TRANK1: variants seen among roughly 807,000 people sequenced by gnomAD.
TRANK1 encodes tetratricopeptide repeat and ankyrin repeat containing 1, also known as TPR and ankyrin repeat-containing protein 1.
A neutral mutation model predicts 266.0 loss-of-function variants in TRANK1; 198 were observed. The ratio of observed to expected loss-of-function variants is 0.74; its 90% CI spans 0.66 to 0.84. The LOEUF is 0.84. Ranked by LOEUF, TRANK1 falls within the 40% of genes least tolerant of loss-of-function variation. The probability of loss-of-function intolerance (pLI) is 0.00; values close to 1 mark genes in which losing one functional copy is unlikely to be tolerated. For missense variants in TRANK1, 3,326 were observed against 3,634.6 expected (o/e 0.92, Z 2.18); for synonymous variants, 1,396 against 1,384.1 (o/e 1.01, Z -0.19).
chr3:36,879,599 AAT>A lies in TRANK1; in HGVS notation c.908-5305_908-5304del, dbSNP rs1422182988. ...ATATATATAAATATACAAATATATAAATATATATAAATATACAAATATATATA... is the reference window on the plus strand; with the variant it reads ...ATATATATAAATATACAAATATATAAATATATAAATATACAAATATATATA... On this transcript the variant is annotated intron_variant, in intron 8 of 23. Transcript: ENST00000645898. Among the ~76,000 whole-genome samples the A allele has an allele frequency of 4.8e-4, 31 of 64,760 alleles. 5 individuals carry two copies. The South Asian group carries it at 9.2e-3, about 19-fold the overall frequency. 42.5% of individuals were successfully genotyped at this position (64,760 alleles called of 152,430 possible). A position where few individuals can be genotyped will look rare whatever the true frequency, so the allele number is the denominator to read the frequency against.
chr3:36,870,505 TCTC>T (rs2079291923), intron 9 of TRANK1, among the ~76,000 whole-genome samples: 1 of 152,082 alleles, frequency 6.6e-6, no homozygotes, highest in Non-Finnish European at 1.5e-5. Flanking sequence ...CTGATTAACT[TCTC>T]CTCTTTACAG....
At chr3:36,880,341 G>A in intron 8 of TRANK1, 2 of 397,800 alleles carry the variant, frequency 5.0e-6, no homozygotes, top group South Asian at 4.1e-5. Context: ...GCTGTCTGTG[G>A]CACCAATTAT....
At chr3:36,911,091 A>G (rs2080045535) in intron 1 of TRANK1, among the ~76,000 whole-genome samples, 1 of 152,178 alleles carries the variant, frequency 6.6e-6, no homozygotes, top group Non-Finnish European at 1.5e-5. Flanking sequence ...ATCGTGTTGT[A>G]AAAGAACATT....
At chr3:36,898,820 C>T (rs531999986) in intron 4 of TRANK1, among the ~76,000 whole-genome samples, 3 of 149,850 alleles carry the variant, frequency 2.0e-5, no homozygotes, top group Non-Finnish European at 3.0e-5. Context: ...CACTGCACTC[C>T]GGCCTGGTGA....
rs754963318 is a variant in TRANK1, at chr3:36,833,412, G to A, written c.6171C>T (p.Asn2057=). 36 of 1,613,786 alleles carry A rather than the reference G, an allele frequency of 2.2e-5. No homozygotes were observed. Among genetic ancestry groups the A allele is most frequent in the Admixed American group, 8.3e-5 (5 of 59,996 alleles). The part of the protein sequence containing the change: ...RDAFFKFDTL[N]HSAGVVEALY... ...GTGCTTCCACCACTCCAGCTGAGTG[G>A]TTGAGCGTGTCAAACTTGAAGAAGG... Residue 2057 remains asparagine (N), a synonymous_variant, in exon 22 of 24, where the codon AAC becomes AAT. Coordinates refer to ENST00000645898, the MANE Select transcript of TRANK1 (RefSeq NM_001329998.2).
intron 1 of TRANK1, among the ~76,000 whole-genome samples, chr3:36,926,780 G>A (rs1193903950): frequency 6.6e-6 from 1 of 152,156 alleles, no homozygotes; most frequent in Non-Finnish European, 1.5e-5. Context: ...GCCTATAAAT[G>A]GTTCAGCAAA....
chr3:36,849,971 C>T (rs1440950046), intron 15 of TRANK1: 11 of 965,542 alleles, frequency 1.1e-5, no homozygotes, highest in South Asian at 9.6e-5. Flanking sequence ...GTGGGAGCAC[C>T]GGGTCAAGAT....
intron 3 of TRANK1, 22 bp downstream of exon 3, chr3:36,903,127 C>G: frequency 2.0e-6 from 3 of 1,535,010 alleles, no homozygotes; most frequent in Non-Finnish European, 2.6e-6. Context: ...TCTCCCCACA[C>G]CTTCACCCTC....
At position 36,833,709 on chromosome 3, in the gene TRANK1, C is replaced by A. The variant is rs868624284; in HGVS notation, c.5874G>T (p.Arg1958Ser). 1 of 1,614,024 alleles carries A rather than the reference C, an allele frequency of 6.2e-7. No homozygotes were observed. Among genetic ancestry groups the A allele is most frequent in the South Asian group, 1.1e-5 (1 of 91,084 alleles). Residue 1958 changes from arginine (R) to serine (S), a missense_variant, in exon 22 of 24, where the codon AGG becomes AGT. By Grantham distance (110) the Arg-to-Ser change is moderately radical. Coordinates refer to ENST00000645898, the MANE Select transcript of TRANK1 (RefSeq NM_001329998.2). ...RLAEAADLLN[R>S]EGRREEAALL... ...GGGCAGCCTCTTCTCTCCTACCTTCCCTGTTCAGCAGGTCTGCAGCTTCTG... is the reference window on the plus strand; with the variant it reads ...GGGCAGCCTCTTCTCTCCTACCTTCACTGTTCAGCAGGTCTGCAGCTTCTG...
chr3:36,879,647 T>C (rs1200874553), intron 8 of TRANK1, among the ~76,000 whole-genome samples: 1 of 70,828 alleles, frequency 1.4e-5, no homozygotes, highest in Non-Finnish European at 2.5e-5. Context: ...AATATACAAA[T>C]ATATATAAAT....
Position 36,832,633 on chromosome 3 carries a change from T to C in TRANK1, c.6950A>G (p.Asn2317Ser), listed in dbSNP as rs371709541. 1.1e-5 allele frequency: 17 copies of C among 1,613,870 alleles called. No homozygotes were observed. The highest frequency in any genetic ancestry group is 5.0e-5 in the Admixed American group (3 of 60,002). The change falls in exon 22 of 24, where the codon AAT becomes AGT. Residue 2317 changes from asparagine to serine, a missense_variant. Coordinates refer to ENST00000645898, the MANE Select transcript of TRANK1 (RefSeq NM_001329998.2). The stretch of plus-strand genomic sequence containing the variant: ...TTCCCGGCGGTTGCGTGCGCTTTCA[T>C]TTTCAAACAGAAAGTGGATGTACTC... The part of the protein sequence containing the change: ...LKEYIHFLFE[N>S]ESARNRREST...
At chr3:36,932,399 C>T (rs566816205) in intron 1 of TRANK1, among the ~76,000 whole-genome samples, 1 of 152,108 alleles carries the variant, frequency 6.6e-6, no homozygotes, top group Admixed American at 6.5e-5. Flanking sequence ...GGTGAAACCC[C>T]GTCTCTACTA....
In TRANK1 at chr3:36,852,358, A is replaced by G. The variant is rs1226988283; in HGVS notation, c.4550-13T>C. On this transcript the variant is annotated splice_polypyrimidine_tract_variant and intron_variant, in intron 13 of 23. Transcript: ENST00000645898. Reference sequence around the variant, plus strand: ...AGATTGAGGATTCCTGGAATGAAACAGAAAACCCAAGTTGGATAATTAACA... The same window carrying G: ...AGATTGAGGATTCCTGGAATGAAACGGAAAACCCAAGTTGGATAATTAACA... 1 of 1,547,166 alleles carries G rather than the reference A, an allele frequency of 6.5e-7. No homozygotes were observed. Among genetic ancestry groups the G allele is most frequent in the Non-Finnish European group, 8.7e-7 (1 of 1,152,534 alleles).
At chr3:36,890,059 A>C in intron 7 of TRANK1, 99 bp from the exon 8 acceptor site, 1 of 1,450,646 alleles carries the variant, frequency 6.9e-7, no homozygotes, top group South Asian at 1.4e-5. Flanking sequence ...AAGAAAGAAA[A>C]TCAGCAAAGC....
rs2078927629 is a variant in TRANK1 at position 36,847,256 on chromosome 3, C to T, written c.4978G>A (p.Asp1660Asn). Residue 1660 changes from aspartate to asparagine, a missense_variant, in exon 16 of 24, where the codon GAC (aspartate) becomes AAC (asparagine). Coordinates refer to ENST00000645898, the MANE Select transcript of TRANK1 (RefSeq NM_001329998.2). ...CGACCCTGAGAAGAGCCTGGTTTGTCCAGGGGTACTTCAACCAATGGCCGG... is the reference window on the plus strand; with the variant it reads ...CGACCCTGAGAAGAGCCTGGTTTGTTCAGGGGTACTTCAACCAATGGCCGG... Reference protein sequence around the residue: ...ENRPLVEVPLDKPGSSQGRSL... With the variant: ...ENRPLVEVPLNKPGSSQGRSL... 6.2e-7 allele frequency: 1 copy of T among 1,613,366 alleles called. No individual in the cohort carries two copies. The highest frequency in any genetic ancestry group is 8.5e-7 in the Non-Finnish European group (1 of 1,179,704).
Position 36,846,307 on chromosome 3 carries a change from G to A in TRANK1, c.5132C>T (p.Ala1711Val). 1 of 1,613,126 alleles carries A rather than the reference G, an allele frequency of 6.2e-7. No homozygotes were observed. Among genetic ancestry groups the A allele is most frequent in the Non-Finnish European group, 8.5e-7 (1 of 1,179,554 alleles). Residue 1711 changes from alanine (A) to valine (V), a missense_variant, in exon 17 of 24, where the codon GCA becomes GTA. Ala to Val is a moderately conservative substitution (Grantham distance 64). Coordinates refer to ENST00000645898, the MANE Select transcript of TRANK1 (RefSeq NM_001329998.2). ...FDENREKRAP[A>V]FKYFIRRDFV... ...ATCTCTTCTAATGAAATATTTGAAT[G>A]CGGGAGCCCGTTTCTCTCGGTTTTC...
intron 9 of TRANK1, among the ~76,000 whole-genome samples, chr3:36,866,362 GA>G (rs1296919410): frequency 7.2e-5 from 11 of 152,168 alleles, no homozygotes; most frequent in Admixed American, 5.9e-4. Context: ...TTGAAAACAG[GA>G]AAAAAATTAA....
rs116002380 is a variant in TRANK1, at chr3:36,911,519, T to C, written c.24-3065A>G. 2.6e-3 allele frequency among the ~76,000 whole-genome samples: 401 copies of C among 152,304 alleles called. 3 individuals are homozygous for C. Among genetic ancestry groups the C allele is most frequent in the African/African-American group, 9.2e-3 (383 of 41,558 alleles). On this transcript the variant is annotated intron_variant, in intron 1 of 23. Coordinates refer to ENST00000645898, the MANE Select transcript of TRANK1 (RefSeq NM_001329998.2). The stretch of plus-strand genomic sequence containing the variant: ...TTTTCATAGTTCTCTAGAAACCAAG[T>C]CAGCTCTTAATGTTATGTGAGCAAC...
chr3:36,857,375 A>G lies in TRANK1; in HGVS notation c.2347T>C (p.Cys783Arg), dbSNP rs774196398. The G allele has an allele frequency of 4.3e-6, 7 of 1,609,340 alleles. No individual in the cohort carries two copies. In the South Asian group the frequency reaches 6.6e-5, roughly 15 times the overall value. ...KPTLGAGAPD[C>R]SEVGEGHAQV... is the part of the protein sequence containing the mutation. Reference sequence around the variant, plus strand: ...GCATGTCCTTCCCCCACCTCACTACAGTCAGGGGCCCCTGCACCCAGAGTC... The same window carrying G: ...GCATGTCCTTCCCCCACCTCACTACGGTCAGGGGCCCCTGCACCCAGAGTC... The change falls in exon 13 of 24, where the codon TGT (cysteine) becomes CGT (arginine). Residue 783 changes from cysteine (C) to arginine (R), a missense_variant. Physicochemically the swap from Cys to Arg is radical, Grantham distance 180 (BLOSUM62 -3). Transcript: ENST00000645898. The surrounding 1 kb of genome is among the most constrained non-coding windows in gnomAD (Gnocchi z 4.3).
Sources: allele counts gnomAD v4.1 joint callset (sites outside exome capture counted in the v4.1 genomes callset), GRCh38; gene constraint gnomAD v4.1.1; non-coding constraint Gnocchi (gnomAD v3.1); transcripts MANE v1.5; gene names NCBI Gene and HGNC (gene_info 2026-07-23, HGNC 2026-07-21).